KLHL28: variants seen among roughly 807,000 people sequenced by gnomAD.
KLHL28 encodes kelch like family member 28.
A neutral mutation model predicts 48.3 loss-of-function variants in KLHL28; 22 were observed. The observed-to-expected ratio is 0.46, with a 90% CI of 0.33 to 0.65. The LOEUF (loss-of-function observed/expected upper bound fraction) is 0.65. KLHL28 is among the 30% of genes least tolerant of loss of function. KLHL28 has a pLI of 0.03. For missense variants in KLHL28, 527 were observed against 704.3 expected, an observed-to-expected ratio of 0.75 and a Z score of 2.85; for synonymous variants, 243 against 242.4, an observed-to-expected ratio of 1.00 and a Z score of -0.02.
chr14:44,958,003 T>G (rs551753911), intron 1 of KLHL28, among the ~76,000 whole-genome samples: 1 of 151,060 alleles, frequency 6.6e-6, no homozygotes, highest in Admixed American at 6.6e-5. Flanking sequence ...GAACAATCAT[T>G]GCCTTCCAGT....
intron 1 of KLHL28, among the ~76,000 whole-genome samples, chr14:44,947,818 C>T (rs923487292): frequency 6.6e-6 from 1 of 152,184 alleles, no homozygotes; most frequent in African/African-American, 2.4e-5. Context: ...CAGCTGGTAA[C>T]AGCCTCCACT....
intron 2 of KLHL28, 101 bp from the exon 3 acceptor site, chr14:44,934,659 A>G: frequency 1.1e-6 from 1 of 890,616 alleles, no homozygotes; most frequent in Non-Finnish European, 1.7e-6. Flanking sequence ...AAAAATTAAA[A>G]GCACAATAAA....
intron 1 of KLHL28, among the ~76,000 whole-genome samples, chr14:44,951,916 G>A (rs1023653375): frequency 6.6e-6 from 1 of 152,070 alleles, no homozygotes; most frequent in Non-Finnish European, 1.5e-5. Context: ...GTGTGGTGGC[G>A]AGATCTTAGC....
At chr14:44,953,794 C>T (rs1884683658) in intron 1 of KLHL28, 2 of 152,136 alleles carry the variant, frequency 1.3e-5, no homozygotes, top group African/African-American at 4.8e-5. Context: ...CTAAGACAAC[C>T]TGAGATTAGG....
At chr14:44,946,933 T>C (rs1383332288) in intron 1 of KLHL28, among the ~76,000 whole-genome samples, 1 of 151,830 alleles carries the variant, frequency 6.6e-6, no homozygotes. Context: ...TGAAAAAGAA[T>C]AAAAATAGCA....
chr14:44,952,941 T>C (rs1451576837), intron 1 of KLHL28, among the ~76,000 whole-genome samples: 2 of 148,806 alleles, frequency 1.3e-5, no homozygotes, highest in African/African-American at 5.0e-5. Context: ...GAACAGGGAG[T>C]AAAAGCATTA....
intron 2 of KLHL28, among the ~76,000 whole-genome samples, chr14:44,940,847 T>C (rs1352387696): frequency 6.6e-6 from 1 of 152,146 alleles, no homozygotes; most frequent in African/African-American, 2.4e-5. Flanking sequence ...TTCATCTAAT[T>C]ATAAAAATAC....
At chr14:44,936,200 A>C (rs957254908) in intron 2 of KLHL28, among the ~76,000 whole-genome samples, 2 of 152,078 alleles carry the variant, frequency 1.3e-5, no homozygotes, top group African/African-American at 4.8e-5. Context: ...TAATGAGTAA[A>C]ATAAATATGA....
intron 1 of KLHL28, among the ~76,000 whole-genome samples, chr14:44,952,478 G>C (rs1437639214): frequency 1.3e-5 from 2 of 152,124 alleles, no homozygotes; most frequent in African/African-American, 4.8e-5. Flanking sequence ...TATAGCTCAA[G>C]TTTAGCAGCT....
intron 1 of KLHL28, among the ~76,000 whole-genome samples, chr14:44,955,593 C>T (rs1321515247): frequency 1.4e-4 from 21 of 151,998 alleles, no homozygotes; most frequent in African/African-American, 3.4e-4. Flanking sequence ...CTGGGCAACA[C>T]GGTGAAATTC....
chr14:44,960,898 C>A (rs532180695), intron 1 of KLHL28: 82 of 1,539,034 alleles, frequency 5.3e-5, no homozygotes, highest in Non-Finnish European at 6.7e-5. Context: ...TGGTACAGAG[C>A]AGGGTAGGAA....
At chr14:44,933,486 C>T (rs929355627) in intron 3 of KLHL28, among the ~76,000 whole-genome samples, 1 of 151,796 alleles carries the variant, frequency 6.6e-6, no homozygotes, top group Non-Finnish European at 1.5e-5. Context: ...AAAGATAAAA[C>T]CTTTGGAACA....
chr14:44,931,226 TGGACAA>T, intron 4 of KLHL28, 101 bp downstream of exon 4: 1 of 564,796 alleles, frequency 1.8e-6, no homozygotes, highest in Non-Finnish European at 2.9e-6. Flanking sequence ...TTTTTTTTTC[TGGACAA>T]GTAATATTCC....
chr14:44,960,960 T>A (rs1885051099), intron 1 of KLHL28: 2 of 1,408,396 alleles, frequency 1.4e-6, no homozygotes, highest in African/African-American at 2.9e-5. Flanking sequence ...AACTTAGACT[T>A]TTCGCACGAG....
intron 4 of KLHL28, 96 bp downstream of exon 4, chr14:44,931,237 T>A: frequency 1.6e-5 from 10 of 606,242 alleles, no homozygotes; most frequent in Non-Finnish European, 2.1e-5. Context: ...GGACAAGTAA[T>A]ATTCCTACTG....
chr14:44,934,770 A>G (rs1883737878), intron 2 of KLHL28, among the ~76,000 whole-genome samples: 1 of 152,220 alleles, frequency 6.6e-6, no homozygotes, highest in African/African-American at 2.4e-5. Flanking sequence ...TGAGAGTGTA[A>G]ACTTGTATAA....
At chr14:44,936,601 A>G (rs1175734068) in intron 2 of KLHL28, among the ~76,000 whole-genome samples, 2 of 152,178 alleles carry the variant, frequency 1.3e-5, no homozygotes, top group East Asian at 3.8e-4. Flanking sequence ...TAAACTGATT[A>G]AGGAAATGTA....
At chr14:44,958,713 T>A (rs1884906003) in intron 1 of KLHL28, among the ~76,000 whole-genome samples, 1 of 151,802 alleles carries the variant, frequency 6.6e-6, no homozygotes, top group Non-Finnish European at 1.5e-5. Context: ...TATTTCTGAA[T>A]CCATGTTATG....
Position 44,928,308 on chromosome 14 carries a change from G to C in KLHL28, c.*720C>G, listed in dbSNP as rs909966649. On this transcript the variant is annotated 3_prime_UTR_variant, in exon 5 of 5. Coordinates refer to ENST00000396128, the MANE Select transcript of KLHL28 (RefSeq NM_017658.5). ...TCCTATCCATGCTAACCATAGCATA[G>C]ATAGGTAATTAAATTCATCCAACGT... The C allele has an allele frequency of 6.6e-6, 1 of 152,120 alleles. No individual in the cohort carries two copies. Among genetic ancestry groups the C allele is most frequent in the African/African-American group, 2.4e-5 (1 of 41,416 alleles). 9.4% of individuals were successfully genotyped at this position (152,120 alleles called of 1,614,324 possible). A position where few individuals can be genotyped will look rare whatever the true frequency, so the allele number is the denominator to read the frequency against.
Sources: allele counts gnomAD v4.1 joint callset (sites outside exome capture counted in the v4.1 genomes callset), GRCh38; gene constraint gnomAD v4.1.1; transcripts MANE v1.5; gene names NCBI Gene and HGNC (gene_info 2026-07-23, HGNC 2026-07-21).